NAV2: variants seen among roughly 807,000 people sequenced by gnomAD.
NAV2 encodes the protein helicase, APC down-regulated 1.
NAV2 carries 54 observed loss-of-function variants against 223.2 expected under a neutral mutation model. The observed-to-expected ratio is 0.24, with a 90% confidence interval of 0.19 to 0.30. The LOEUF (loss-of-function observed/expected upper bound fraction) is 0.30, where lower values mean the gene tolerates loss of function less well. NAV2 is among the 10% of genes least tolerant of loss of function. The probability of loss-of-function intolerance (pLI) is 1.00; values close to 1 mark genes in which losing one functional copy is unlikely to be tolerated. For synonymous variants in NAV2, 1,279 were observed against 1,239.3 expected (o/e 1.03, Z -0.67); for missense variants, 2,806 against 3,147.5 (o/e 0.89, Z 2.60).
intron 10 of NAV2, among the ~76,000 whole-genome samples, chr11:19,960,530 T>C (rs2048261720): frequency 6.6e-6 from 1 of 152,198 alleles, no homozygotes; most frequent in Admixed American, 6.5e-5. Flanking sequence ...TTTGGTGCTC[T>C]TGTTGCTTTG....
At chr11:19,415,947 A>G (rs537514901) in intron 1 of NAV2, among the ~76,000 whole-genome samples, 1 of 152,330 alleles carries the variant, frequency 6.6e-6, no homozygotes, top group Non-Finnish European at 1.5e-5. Flanking sequence ...ACATAGCTCA[A>G]AATCAAAAGA....
intron 29 of NAV2, 47 bp downstream of exon 29, chr11:20,093,246 G>C: frequency 8.0e-7 from 1 of 1,248,034 alleles, no homozygotes; most frequent in Non-Finnish European, 1.2e-6. Context: ...CCCCCAGGTA[G>C]AACTACCTAG....
chr11:19,467,595 A>G (rs1304763589), intron 1 of NAV2, among the ~76,000 whole-genome samples: 5 of 152,236 alleles, frequency 3.3e-5, no homozygotes, highest in Admixed American at 3.3e-4. Flanking sequence ...AGTTAAAGGT[A>G]ACTGATGCCC....
At chr11:19,372,788 C>A (rs540401668) in intron 1 of NAV2, among the ~76,000 whole-genome samples, 1 of 152,306 alleles carries the variant, frequency 6.6e-6, no homozygotes, top group Non-Finnish European at 1.5e-5. Flanking sequence ...ACCTCCTGGC[C>A]CCATCAGCAC....
intron 4 of NAV2, among the ~76,000 whole-genome samples, chr11:19,878,144 G>A (rs1271691469): frequency 2.6e-5 from 4 of 152,316 alleles, no homozygotes; most frequent in African/African-American, 7.2e-5. Context: ...GTCCACATCA[G>A]TCCTGGCTAT....
chr11:19,722,331 T>A (rs2050810440), intron 1 of NAV2, among the ~76,000 whole-genome samples: 1 of 152,170 alleles, frequency 6.6e-6, no homozygotes, highest in Admixed American at 6.5e-5. Context: ...TTAAAAAAAA[T>A]TTAAAACCTC....
In NAV2 at chr11:20,071,007, C is replaced by T. The variant is rs1010892789; in HGVS notation, c.4983+2609C>T. Reference sequence around the variant, plus strand: ...TTCTGGGGTACATGTGCAGAATGTGCAGGTTCGTTACGTACGTATACATGT... The same window carrying T: ...TTCTGGGGTACATGTGCAGAATGTGTAGGTTCGTTACGTACGTATACATGT... On this transcript the variant is annotated intron_variant, in intron 22 of 37. Transcript: ENST00000349880. Among the ~76,000 whole-genome samples the T allele has an allele frequency of 2.4e-4, 36 of 151,902 alleles. 1 individual carries two copies. The highest frequency in any genetic ancestry group is 8.2e-4 in the African/African-American group (34 of 41,322).
intron 11 of NAV2, chr11:20,027,465 C>G: frequency 1.0e-6 from 1 of 985,432 alleles, no homozygotes; most frequent in Non-Finnish European, 1.2e-6. Flanking sequence ...GAAAATTGAG[C>G]AGGTAAGTCC....
chr11:20,118,309 G>A lies in NAV2; in HGVS notation c.*51G>A. 3.1e-6 allele frequency: 5 copies of A among 1,598,898 alleles called. No homozygotes were observed. Among genetic ancestry groups the A allele is most frequent in the Non-Finnish European group, 4.3e-6 (5 of 1,172,624 alleles). On this transcript the variant is annotated 3_prime_UTR_variant, in exon 38 of 38. Coordinates refer to ENST00000349880, the MANE Select transcript of NAV2 (RefSeq NM_145117.5). The stretch of plus-strand genomic sequence containing the variant: ...CTCTTCTCCTCACCGCATTCCACCT[G>A]CATCCCCCACATCACCCTGAAGATG...
chr11:19,467,069 A>C (rs1248574559), intron 1 of NAV2, among the ~76,000 whole-genome samples: 1 of 151,956 alleles, frequency 6.6e-6, no homozygotes. Flanking sequence ...AGAGATGGAT[A>C]TCTATCTGTA....
At chr11:19,970,673 T>C (rs2049159274) in intron 10 of NAV2, among the ~76,000 whole-genome samples, 1 of 152,176 alleles carries the variant, frequency 6.6e-6, no homozygotes, top group African/African-American at 2.4e-5. Context: ...CCAACAGTTA[T>C]AATAAATGTG....
chr11:19,609,193 A>G (rs1168090202), intron 1 of NAV2, among the ~76,000 whole-genome samples: 1 of 152,234 alleles, frequency 6.6e-6, no homozygotes, highest in Non-Finnish European at 1.5e-5. Context: ...CAGTACAGGC[A>G]TTTTTGAAAG....
At chr11:19,904,052 A>C (rs1330311090) in intron 6 of NAV2, among the ~76,000 whole-genome samples, 11 of 152,228 alleles carry the variant, frequency 7.2e-5, no homozygotes, top group Non-Finnish European at 1.5e-4. Flanking sequence ...GATCAGGTTT[A>C]GCCCTAAGGA....
intron 1 of NAV2, among the ~76,000 whole-genome samples, chr11:19,587,954 GC>G (rs1201413879): frequency 6.6e-6 from 1 of 152,210 alleles, no homozygotes; most frequent in East Asian, 1.9e-4. Flanking sequence ...CAAATAGAGT[GC>G]CATTGGGTCT....
chr11:19,544,680 G>A (rs111410478), intron 1 of NAV2, among the ~76,000 whole-genome samples: 116 of 152,116 alleles, frequency 7.6e-4, no homozygotes, highest in South Asian at 2.5e-3. Context: ...TGCTTACCTG[G>A]CCACCTTATC....
intron 1 of NAV2, among the ~76,000 whole-genome samples, chr11:19,375,804 T>C (rs1363238138): frequency 6.6e-6 from 1 of 152,222 alleles, no homozygotes; most frequent in African/African-American, 2.4e-5. Flanking sequence ...TACAGCTCTT[T>C]ATTTTTTATC....
chr11:19,839,719 G>A (rs903599952), intron 2 of NAV2, among the ~76,000 whole-genome samples: 4 of 152,260 alleles, frequency 2.6e-5, no homozygotes, highest in Admixed American at 6.5e-5. Context: ...CTTTTGAAAA[G>A]TAATAAGCTT....
chr11:19,879,995 T>A lies in NAV2; in HGVS notation c.638T>A (p.Val213Glu). Reference sequence around the variant, plus strand: ...CCTCTGCCGCCCGCCGTATCCCAGGTGGCCGGGGCCCCCTCCCAGTGCCAG... The same window carrying A: ...CCTCTGCCGCCCGCCGTATCCCAGGAGGCCGGGGCCCCCTCCCAGTGCCAG... ...SSPLPPAVSQ[V>E]AGAPSQCQAG... Residue 213 changes from valine to glutamate, a missense_variant, in exon 5 of 38, where the codon GTG (valine) becomes GAG (glutamate). Transcript: ENST00000349880. 6.2e-7 allele frequency: 1 copy of A among 1,613,772 alleles called. No individual in the cohort carries two copies. The highest frequency in any genetic ancestry group is 8.5e-7 in the Non-Finnish European group (1 of 1,179,878).
chr11:19,383,001 C>T (rs1012277118), intron 1 of NAV2, among the ~76,000 whole-genome samples: 10 of 152,188 alleles, frequency 6.6e-5, no homozygotes, highest in Admixed American at 6.5e-5. Flanking sequence ...GGATTGGATA[C>T]GGGATGTCTG....
Sources: allele counts gnomAD v4.1 joint callset (sites outside exome capture counted in the v4.1 genomes callset), GRCh38; gene constraint gnomAD v4.1.1; transcripts MANE v1.5; gene names NCBI Gene and HGNC (gene_info 2026-07-23, HGNC 2026-07-21).